The following DGKK variants were observed in gnomAD, a reference collection of about 807,000 sequenced individuals.
DGKK encodes 142 kDa diacylglycerol kinase.
DGKK carries 35 observed loss-of-function variants against 92.2 expected under a neutral mutation model. The observed-to-expected ratio is 0.38, with a 90% CI of 0.29 to 0.50. The LOEUF (loss-of-function observed/expected upper bound fraction) is 0.50. Ranked by LOEUF, DGKK falls within the 20% of genes least tolerant of loss-of-function variation. DGKK has a pLI of 0.92. For synonymous variants in DGKK, 368 were observed against 360.6 expected, an observed-to-expected ratio of 1.02 and a Z score of -0.23; for missense variants, 910 against 992.2, an observed-to-expected ratio of 0.92 and a Z score of 1.11.
chrX:50,375,179 G>T, intron 24 of DGKK, 122 bp from the exon 25 acceptor site: 1 of 485,036 alleles, frequency 2.1e-6, no homozygotes, highest in Middle Eastern at 3.4e-4. Context: ...GTGGCTATAG[G>T]TGAAAAAGCA....
At chrX:50,388,261 A>G (rs1400677018) in intron 13 of DGKK, among the ~76,000 whole-genome samples, 1 of 112,086 alleles carries the variant, frequency 8.9e-6, no homozygotes, top group Non-Finnish European at 1.9e-5. Context: ...ATGCTCCTAA[A>G]TGGTCTATAA....
At position 50,378,562 on chromosome X, in the gene DGKK, C is replaced by T; in HGVS notation, c.2976+16G>A. 1.7e-6 allele frequency: 2 copies of T among 1,182,899 alleles called. No homozygotes were observed. The highest frequency in any genetic ancestry group is 3.0e-5 in the East Asian group (1 of 33,112). The stretch of plus-strand genomic sequence containing the variant: ...AACCTCAGCCCCTTCCCAGTGCCCA[C>T]CCAGCCCCTGCCTACCTGGGCAATG... On this transcript the variant is annotated intron_variant, in intron 21 of 27. Coordinates refer to ENST00000611977, the MANE Select transcript of DGKK (RefSeq NM_001013742.4).
chrX:50,401,948 G>T (rs1257346259), intron 7 of DGKK, among the ~76,000 whole-genome samples: 1 of 111,423 alleles, frequency 9.0e-6, no homozygotes, highest in East Asian at 2.8e-4. Context: ...ATTGTAGGAG[G>T]TTCAGCAGAA....
chrX:50,384,891 G>A, intron 15 of DGKK, 67 bp from the exon 16 acceptor site: 1 of 797,170 alleles, frequency 1.3e-6, no homozygotes, highest in Non-Finnish European at 1.8e-6. Flanking sequence ...AAGAAAGGAG[G>A]GAGGGAGGAT....
chrX:50,425,101 C>A (rs1925699925), intron 1 of DGKK, among the ~76,000 whole-genome samples: 1 of 111,601 alleles, frequency 9.0e-6, no homozygotes, highest in African/African-American at 3.3e-5. Context: ...GCAAGACTGC[C>A]ATTTGGGAGA....
chrX:50,415,528 T>A (rs1925411994), intron 4 of DGKK, among the ~76,000 whole-genome samples: 1 of 111,335 alleles, frequency 9.0e-6, no homozygotes, highest in Non-Finnish European at 1.9e-5. Context: ...AATTCAAAAT[T>A]TTGAAGTACT....
intron 1 of DGKK, among the ~76,000 whole-genome samples, chrX:50,443,035 T>C (rs1557231407): frequency 3.6e-5 from 4 of 111,773 alleles, no homozygotes. Flanking sequence ...GCTCGTCTAC[T>C]AGCAACACAG....
At chrX:50,399,911 G>A (rs7053160) in intron 8 of DGKK, among the ~76,000 whole-genome samples, 52,246 of 110,591 alleles carry the variant, frequency 0.47, 10,671 homozygotes, top group African/African-American at 0.8. Context: ...TCAAAAGGCA[G>A]GTGCCAAAGA....
intron 1 of DGKK, among the ~76,000 whole-genome samples, chrX:50,462,415 G>A (rs1557233446): frequency 1.0e-5 from 1 of 96,694 alleles, no homozygotes; most frequent in African/African-American, 3.9e-5. Flanking sequence ...TTTTTTTGAG[G>A]CTTTTTTTCT....
At chrX:50,413,521 C>T (rs184742975) in intron 4 of DGKK, among the ~76,000 whole-genome samples, 20 of 112,110 alleles carry the variant, frequency 1.8e-4, no homozygotes, top group African/African-American at 6.5e-4. Context: ...AGCAAGAAAA[C>T]AGCCCAATTA....
At chrX:50,460,493 C>T (rs938033113) in intron 1 of DGKK, among the ~76,000 whole-genome samples, 2 of 111,335 alleles carry the variant, frequency 1.8e-5, no homozygotes, top group African/African-American at 3.3e-5. Context: ...GTATCCTACA[C>T]GTGCTTGAGG....
intron 4 of DGKK, among the ~76,000 whole-genome samples, chrX:50,418,986 T>C (rs782240123): frequency 1.4e-4 from 16 of 112,034 alleles, no homozygotes; most frequent in Non-Finnish European, 2.4e-4. Flanking sequence ...GGAAAGATAT[T>C]GGTCCACAGG....
chrX:50,386,684 G>T, intron 14 of DGKK, 98 bp from the exon 15 acceptor site: 2 of 690,616 alleles, frequency 2.9e-6, no homozygotes, highest in South Asian at 2.8e-5. Context: ...GGTAGGGAGG[G>T]GTAAGAGTTG....
rs1162672974 is a variant in DGKK, at chrX:50,368,785, T to C, written c.*155A>G. The C allele has an allele frequency of 1.8e-5, 8 of 455,354 alleles. No individual in the cohort carries two copies. Among genetic ancestry groups the C allele is most frequent in the Non-Finnish European group, 2.9e-5 (8 of 272,382 alleles). The allele number at this position is 455,354 out of a possible 1,213,427, so 37.5% of individuals were successfully genotyped here. ...ATGTAAACCTCTAAGGAGACCAGAT[T>C]AAGTCCAGGAAAATGCATTAGTGAA... On this transcript the variant is annotated 3_prime_UTR_variant, in exon 28 of 28. Coordinates refer to ENST00000611977, the MANE Select transcript of DGKK (RefSeq NM_001013742.4).
chrX:50,390,069 T>C (rs1208443294), intron 12 of DGKK, among the ~76,000 whole-genome samples: 2 of 112,465 alleles, frequency 1.8e-5, no homozygotes, highest in African/African-American at 6.5e-5. Context: ...CAGTAGCATA[T>C]AAGAACATCT....
intron 1 of DGKK, among the ~76,000 whole-genome samples, chrX:50,427,482 A>T (rs1653401815): frequency 9.1e-6 from 1 of 109,948 alleles, no homozygotes; most frequent in African/African-American, 3.3e-5. Context: ...CAACACCAAG[A>T]ATGAACCCTG....
chrX:50,420,351 A>G, intron 4 of DGKK, 52 bp downstream of exon 4: 2 of 1,102,010 alleles, frequency 1.8e-6, no homozygotes, highest in East Asian at 6.0e-5. Context: ...AACTAATGCA[A>G]TTAATTATTT....
intron 25 of DGKK, 87 bp from the exon 26 acceptor site, chrX:50,371,921 G>T: frequency 3.6e-6 from 2 of 561,982 alleles, no homozygotes; most frequent in Non-Finnish European, 5.7e-6. Context: ...GTCCCTGCTA[G>T]TGACCAAGAG....
chrX:50,467,217 A>G (rs922156765), intron 1 of DGKK, among the ~76,000 whole-genome samples: 12 of 112,384 alleles, frequency 1.1e-4, no homozygotes, highest in African/African-American at 3.9e-4. Context: ...GAAACATTTT[A>G]GAAAGGAAAG....
Sources: gnomAD v4.1 joint callset for allele counts (sites outside exome capture counted in the v4.1 genomes callset) on GRCh38, gnomAD v4.1.1 for gene constraint, MANE v1.5 for transcripts, NCBI Gene and HGNC (gene_info 2026-07-23, HGNC 2026-07-21) for gene names.